GMCL1: variants seen among roughly 807,000 people sequenced by gnomAD.
The protein encoded by GMCL1 is germ cell-less 1, spermatogenesis associated.
GMCL1 carries 54 observed loss-of-function variants against 75.5 expected under a neutral mutation model. The ratio of observed to expected loss-of-function variants is 0.71; its 90% confidence interval spans 0.57 to 0.90. The LOEUF is 0.90. GMCL1 is among the 40% of genes least tolerant of loss of function. The pLI, the probability that GMCL1 is intolerant of heterozygous loss-of-function variation, is 0.00. For missense variants in GMCL1, 537 were observed against 622.7 expected, an observed-to-expected ratio of 0.86 and a Z score of 1.47; for synonymous variants, 210 against 209.6, an observed-to-expected ratio of 1.00 and a Z score of -0.02.
Position 69,849,636 on chromosome 2 carries a change from A to AT in GMCL1, c.844-8dup, listed in dbSNP as rs756121135. The AT allele has an allele frequency of 5.3e-5, 77 of 1,445,686 alleles. No homozygotes were observed. Among genetic ancestry groups the AT allele is most frequent in the Non-Finnish European group, 5.9e-5 (63 of 1,065,214 alleles). 89.6% of individuals were successfully genotyped at this position (1,445,686 alleles called of 1,614,324 possible). On this transcript the variant is annotated splice_polypyrimidine_tract_variant and intron_variant, in intron 7 of 13. Transcript: ENST00000282570. ...AATTTCATAATTGTTTTCTTATTTA[A>AT]TTTTTTTTAACTTAGTGGATGTTCC...
At chr2:69,854,378 A>G (rs1274189820) in intron 8 of GMCL1, among the ~76,000 whole-genome samples, 1 of 152,190 alleles carries the variant, frequency 6.6e-6, no homozygotes, top group Non-Finnish European at 1.5e-5. Context: ...TGTTCATTAC[A>G]TGTAGCTGAA....
rs1254843753 is a variant in GMCL1 at position 69,843,132 on chromosome 2, C to A, written c.580-17C>A. On this transcript the variant is annotated splice_polypyrimidine_tract_variant and intron_variant, in intron 4 of 13. Transcript: ENST00000282570. ...CCACGTGAAATGGGCCTTTCCAGTG[C>A]TTATTTATATTTACAGGACGGTTTA... 6.1e-6 allele frequency: 9 copies of A among 1,478,166 alleles called. No individual in the cohort carries two copies. In the Middle Eastern group the frequency reaches 8.7e-4, roughly 143 times the overall value. 91.6% of individuals were successfully genotyped at this position (1,478,166 alleles called of 1,614,324 possible).
chr2:69,857,490 C>T (rs1022589781), intron 9 of GMCL1, among the ~76,000 whole-genome samples: 20 of 152,206 alleles, frequency 1.3e-4, no homozygotes, highest in African/African-American at 4.6e-4. Context: ...TTCTGCCACT[C>T]TGTTCCAACT....
intron 6 of GMCL1, among the ~76,000 whole-genome samples, chr2:69,847,269 CTT>C (rs1675181040): frequency 6.6e-6 from 1 of 152,094 alleles, no homozygotes; most frequent in African/African-American, 2.4e-5. Flanking sequence ...GATCAGAGCT[CTT>C]TGTTTCCCTA....
chr2:69,829,824 G>A lies in GMCL1; in HGVS notation c.-69G>A. 6.9e-7 allele frequency: 1 copy of A among 1,456,818 alleles called. No homozygotes were observed. The highest frequency in any genetic ancestry group is 9.0e-7 in the Non-Finnish European group (1 of 1,107,976). 90.2% of individuals were successfully genotyped at this position (1,456,818 alleles called of 1,614,324 possible). ...GCACCTGCGCTCGGGGAAGGCTGGC[G>A]GCGGCGGCCGAGCCATGGCGGGAGA... On this transcript the variant is annotated 5_prime_UTR_variant, in exon 1 of 14. Coordinates refer to ENST00000282570, the MANE Select transcript of GMCL1 (RefSeq NM_178439.5).
rs1224387983 is a variant in GMCL1, at chr2:69,829,902, T to C, written c.10T>C (p.Leu4=). MGS[L]SSRVLRQPRP... is the part of the protein sequence containing the mutation. The stretch of plus-strand genomic sequence containing the variant: ...CGGGGAGCCGTGACCCATGGGATCG[T>C]TGAGCAGCCGGGTGCTGCGCCAGCC... The change falls in exon 1 of 14, where the codon TTG becomes CTG. Residue 4 remains leucine, a synonymous_variant. Coordinates refer to ENST00000282570, the MANE Select transcript of GMCL1 (RefSeq NM_178439.5). 1 of 1,600,356 alleles carries C rather than the reference T, an allele frequency of 6.2e-7. No homozygotes were observed. Among genetic ancestry groups the C allele is most frequent in the South Asian group, 1.1e-5 (1 of 89,634 alleles).
intron 13 of GMCL1, among the ~76,000 whole-genome samples, chr2:69,876,409 G>A (rs1676131241): frequency 6.6e-6 from 1 of 152,158 alleles, no homozygotes. Flanking sequence ...TGAATTATAG[G>A]AAGGAAAATG....
In GMCL1 at chr2:69,878,985, C is replaced by T. The variant is rs1012720396; in HGVS notation, c.1529C>T (p.Ser510Leu). 3 of 1,593,824 alleles carry T rather than the reference C, an allele frequency of 1.9e-6. No homozygotes were observed. Among genetic ancestry groups the T allele is most frequent in the African/African-American group, 2.7e-5 (2 of 74,318 alleles). The change falls in exon 14 of 14, where the codon TCA becomes TTA. Residue 510 changes from serine to leucine, a missense_variant. Physicochemically the swap from Ser to Leu is moderately radical, Grantham distance 145. Transcript: ENST00000282570. ...LYICCNFLYI[S>L]PEKKN ...ATCTGCTGTAACTTCTTGTATATAT[C>T]ACCAGAAAAAAAGAATTGAAAATAA...
intron 9 of GMCL1, 50 bp from the exon 10 acceptor site, chr2:69,861,228 T>TA: frequency 7.9e-7 from 1 of 1,261,866 alleles, no homozygotes; most frequent in South Asian, 1.3e-5. Flanking sequence ...TTAAATCCTT[T>TA]ATGTTCTTCA....
chr2:69,869,553 A>C, intron 11 of GMCL1, 166 bp from the exon 12 acceptor site: 1 of 580,190 alleles, frequency 1.7e-6, no homozygotes, highest in Admixed American at 3.1e-5. Flanking sequence ...AGCTTAGATA[A>C]ATAGTTTTGG....
At chr2:69,868,746 A>G (rs958363339) in intron 11 of GMCL1, among the ~76,000 whole-genome samples, 1 of 150,936 alleles carries the variant, frequency 6.6e-6, no homozygotes, top group Non-Finnish European at 1.5e-5. Context: ...GTGGATTTTA[A>G]TGGGCTCTTA....
intron 7 of GMCL1, 29 bp downstream of exon 7, chr2:69,847,656 A>G (rs1297361080): frequency 1.5e-6 from 2 of 1,336,528 alleles, no homozygotes; most frequent in East Asian, 2.3e-5. Context: ...GTCATATTAT[A>G]CAAGGATGTC....
chr2:69,839,746 T>C (rs545104039), intron 3 of GMCL1, among the ~76,000 whole-genome samples, 193 bp downstream of exon 3: 1 of 152,312 alleles, frequency 6.6e-6, no homozygotes, highest in African/African-American at 2.4e-5. Context: ...TGTTTTGTCA[T>C]TTGGGCCTTA....
At chr2:69,852,467 G>C (rs2103990312) in intron 8 of GMCL1, among the ~76,000 whole-genome samples, 1 of 144,682 alleles carries the variant, frequency 6.9e-6, no homozygotes, top group African/African-American at 2.7e-5. Flanking sequence ...TTATAAATAA[G>C]ATGCATACTT....
chr2:69,878,882 C>T (rs1232716433), intron 13 of GMCL1, 27 bp from the exon 14 acceptor site: 3 of 1,469,320 alleles, frequency 2.0e-6, no homozygotes, highest in Non-Finnish European at 2.9e-6. Flanking sequence ...ATCTAATTGT[C>T]ATTGAATCTA....
rs1267668985 is a variant in GMCL1 at position 69,879,024 on chromosome 2, A to T, written c.*20A>T. On this transcript the variant is annotated 3_prime_UTR_variant, in exon 14 of 14. Coordinates refer to ENST00000282570, the MANE Select transcript of GMCL1 (RefSeq NM_178439.5). ...AATTGAAAATAATCGTCACCCAGAAAATCCAGAAAACTGAAGATTTCATCA... is the reference window on the plus strand; with the variant it reads ...AATTGAAAATAATCGTCACCCAGAATATCCAGAAAACTGAAGATTTCATCA... The T allele has an allele frequency of 1.3e-6, 2 of 1,487,394 alleles. No individual in the cohort carries two copies. The highest frequency in any genetic ancestry group is 1.9e-6 in the Non-Finnish European group (2 of 1,071,198). The allele number at this position is 1,487,394 out of a possible 1,614,324, so 92.1% of individuals were successfully genotyped here. A position where few individuals can be genotyped will look rare whatever the true frequency, so the allele number is the denominator to read the frequency against.
chr2:69,857,668 T>G (rs1436424477), intron 9 of GMCL1, among the ~76,000 whole-genome samples: 2 of 152,220 alleles, frequency 1.3e-5, no homozygotes, highest in Non-Finnish European at 2.9e-5. Flanking sequence ...TGTTAATATT[T>G]TATACCTAGA....
At chr2:69,834,240 CT>C (rs1674754727) in intron 1 of GMCL1, among the ~76,000 whole-genome samples, 1 of 152,198 alleles carries the variant, frequency 6.6e-6, no homozygotes. Context: ...TTGAAACACA[CT>C]TTCATGGAAT....
At chr2:69,874,218 A>G (rs1011105883) in intron 13 of GMCL1, among the ~76,000 whole-genome samples, 3 of 152,184 alleles carry the variant, frequency 2.0e-5, no homozygotes, top group African/African-American at 7.2e-5. Context: ...TCTAATGGCC[A>G]AATTGCCCTC....
Sources: allele counts gnomAD v4.1 joint callset (sites outside exome capture counted in the v4.1 genomes callset), GRCh38; gene constraint gnomAD v4.1.1; transcripts MANE v1.5; gene names NCBI Gene and HGNC (gene_info 2026-07-23, HGNC 2026-07-21).